The following PTN variants were observed in gnomAD, a reference collection of about 807,000 sequenced individuals.
The protein encoded by PTN is heparin affin regulatory protein.
A neutral mutation model predicts 24.1 loss-of-function variants in PTN; 18 were observed. The ratio of observed to expected loss-of-function variants is 0.75; its 90% CI spans 0.52 to 1.11. The LOEUF (loss-of-function observed/expected upper bound fraction) is 1.11, where lower values mean the gene tolerates loss of function less well. Ranked by LOEUF, PTN falls within the 50% of genes least tolerant of loss-of-function variation. The pLI is 0.00. For missense variants in PTN, 163 were observed against 198.8 expected (o/e 0.82, Z 1.08); for synonymous variants, 78 against 68.6 (o/e 1.14, Z -0.67).
At chr7:137,302,870 C>G (rs756552954) in intron 1 of PTN, among the ~76,000 whole-genome samples, 1 of 151,994 alleles carries the variant, frequency 6.6e-6, no homozygotes, top group Non-Finnish European at 1.5e-5. Flanking sequence ...CAGTTCAGCT[C>G]TGCTTTCCCT....
At chr7:137,304,276 C>T (rs748060013) in intron 1 of PTN, among the ~76,000 whole-genome samples, 1 of 151,856 alleles carries the variant, frequency 6.6e-6, no homozygotes, top group African/African-American at 2.4e-5. Context: ...ATGTTATCCA[C>T]AGTGGAAATC....
intron 1 of PTN, among the ~76,000 whole-genome samples, chr7:137,290,819 A>T (rs894989015): frequency 1.3e-5 from 2 of 152,100 alleles, no homozygotes; most frequent in African/African-American, 4.8e-5. Context: ...ACATGGGGTT[A>T]TGTTCCCCTT....
At chr7:137,245,090 A>C in intron 4 of PTN, among the ~76,000 whole-genome samples, 1 of 152,184 alleles carries the variant, frequency 6.6e-6, no homozygotes, top group South Asian at 2.1e-4. Context: ...TGATTTTCAC[A>C]CTGAAACCAA....
At position 137,269,419 on chromosome 7, in the gene PTN, G is replaced by T. The variant is rs530301368; in HGVS notation, c.-1-14445C>A. Among the ~76,000 whole-genome samples the T allele has an allele frequency of 2.0e-5, 3 of 152,092 alleles. No individual in the cohort carries two copies. In the East Asian group the frequency reaches 5.8e-4, roughly 29 times the overall value. Reference sequence around the variant, plus strand: ...AGTGCACTTGTGTGGGCTGTTTTGGGTTCTCCCCCTGTCAGATCTGTCTCA... The same window carrying T: ...AGTGCACTTGTGTGGGCTGTTTTGGTTTCTCCCCCTGTCAGATCTGTCTCA... On this transcript the variant is annotated intron_variant, in intron 1 of 4. Coordinates refer to ENST00000348225, the MANE Select transcript of PTN (RefSeq NM_002825.7).
chr7:137,334,937 G>A (rs971666220), intron 1 of PTN, among the ~76,000 whole-genome samples: 28 of 150,300 alleles, frequency 1.9e-4, no homozygotes, highest in South Asian at 4.2e-4. Context: ...GTAAACTATC[G>A]CAAGGACAAA....
At chr7:137,283,799 C>G (rs552662072) in intron 1 of PTN, among the ~76,000 whole-genome samples, 2 of 152,178 alleles carry the variant, frequency 1.3e-5, no homozygotes, top group South Asian at 2.1e-4. Context: ...ACTGTATCCT[C>G]TAAAAGCCCA....
intron 1 of PTN, among the ~76,000 whole-genome samples, chr7:137,306,223 C>T (rs1809885577): frequency 6.6e-6 from 1 of 152,032 alleles, no homozygotes; most frequent in African/African-American, 2.4e-5. Context: ...GAGAGCAATA[C>T]CAAGGGGACT....
chr7:137,253,551 C>T lies in PTN; in HGVS notation c.202G>A (p.Glu68Lys). The change falls in exon 3 of 5, where the codon GAG becomes AAG. Residue 68 changes from glutamate (E) to lysine (K), a missense_variant. Glu to Lys is a moderately conservative substitution (Grantham distance 56). Coordinates refer to ENST00000348225, the MANE Select transcript of PTN (RefSeq NM_002825.7). ...CACTCAGCTCCAGTCCGAGTGCCCT[C>T]CCGTGTGCCCAGCCCACAGTCTCCA... ...TSGDCGLGTREGTRTGAECKQ... is the reference protein window; with the variant it reads ...TSGDCGLGTRKGTRTGAECKQ... 1 of 1,612,544 alleles carries T rather than the reference C, an allele frequency of 6.2e-7. No individual in the cohort carries two copies. Among genetic ancestry groups the T allele is most frequent in the Non-Finnish European group, 8.5e-7 (1 of 1,179,288 alleles).
rs186614850 is a variant in PTN, at chr7:137,294,331, A to G, written c.-1-39357T>C. Among the ~76,000 whole-genome samples the G allele has an allele frequency of 3.9e-3, 596 of 152,266 alleles. 3 individuals carry two copies. Among genetic ancestry groups the G allele is most frequent in the Admixed American group, 6.7e-3 (103 of 15,278 alleles). The stretch of plus-strand genomic sequence containing the variant: ...AATTTCAGAAGGCACCTCTTCCTCC[A>G]GGTGAACACAAGCCCACACAGGAGT... On this transcript the variant is annotated intron_variant, in intron 1 of 4. Transcript: ENST00000348225.
chr7:137,232,692 G>C (rs1354614171), intron 4 of PTN, among the ~76,000 whole-genome samples: 1 of 151,940 alleles, frequency 6.6e-6, no homozygotes, highest in Non-Finnish European at 1.5e-5. Context: ...GCAGTGATAT[G>C]GTTTGACTCT....
At chr7:137,283,376 A>G (rs1165543918) in intron 1 of PTN, among the ~76,000 whole-genome samples, 3 of 152,182 alleles carry the variant, frequency 2.0e-5, no homozygotes, top group Non-Finnish European at 4.4e-5. Context: ...TTCAGTTCAT[A>G]CAACTCCAGC....
chr7:137,339,554 G>A (rs146445444), intron 1 of PTN, among the ~76,000 whole-genome samples: 4 of 112,428 alleles, frequency 3.6e-5, no homozygotes, highest in African/African-American at 1.2e-4. Flanking sequence ...TGACCCTTAG[G>A]CAGGGTCTTG....
intron 1 of PTN, chr7:137,324,879 A>G (rs1359341598): frequency 6.6e-6 from 1 of 152,218 alleles, no homozygotes; most frequent in Non-Finnish European, 1.5e-5. Flanking sequence ...TGTGAATAGT[A>G]AAATATTACA....
At chr7:137,324,417 T>TAAAAA (rs1366943397) in intron 1 of PTN, among the ~76,000 whole-genome samples, 7 of 63,474 alleles carry the variant, frequency 1.1e-4, no homozygotes, top group African/African-American at 6.0e-4. Context: ...ACCCTGTCTC[T>TAAAAA]AAAAAAAAAA....
At chr7:137,240,604 CAT>C (rs1808611735) in intron 4 of PTN, among the ~76,000 whole-genome samples, 1 of 152,200 alleles carries the variant, frequency 6.6e-6, no homozygotes, top group Non-Finnish European at 1.5e-5. Context: ...GAAATGGACA[CAT>C]AAGAAATCAT....
chr7:137,253,464 C>T lies in PTN; in HGVS notation c.289G>A (p.Ala97Thr), dbSNP rs146886425. The change falls in exon 3 of 5, where the codon GCG (alanine) becomes ACG (threonine). Residue 97 changes from alanine (A) to threonine (T), a missense_variant and splice_region_variant. Ala to Thr is a moderately conservative substitution (Grantham distance 58). Coordinates refer to ENST00000348225, the MANE Select transcript of PTN (RefSeq NM_002825.7). ...ATTAACTCAGTAGCATGAGGCTTACCGCCAAATTGCTTCTTCCAGTTGCAG... is the reference window on the plus strand; with the variant it reads ...ATTAACTCAGTAGCATGAGGCTTACTGCCAAATTGCTTCTTCCAGTTGCAG... ...IPCNWKKQFG[A>T]ECKYQFQAWG... The T allele has an allele frequency of 1.4e-5, 22 of 1,602,970 alleles. No homozygotes were observed. Among genetic ancestry groups the T allele is most frequent in the African/African-American group, 9.4e-5 (7 of 74,738 alleles).
chr7:137,334,767 A>G (rs901071181), intron 1 of PTN, among the ~76,000 whole-genome samples: 6 of 151,812 alleles, frequency 4.0e-5, no homozygotes, highest in Non-Finnish European at 8.8e-5. Flanking sequence ...GGCACTATTC[A>G]CAATAGCAAA....
intron 1 of PTN, among the ~76,000 whole-genome samples, chr7:137,312,635 C>T (rs73452985): frequency 6.6e-6 from 1 of 151,946 alleles, no homozygotes. Flanking sequence ...AAATGTGAAG[C>T]TATTAACCAC....
Position 137,330,540 on chromosome 7 carries a change from T to C in PTN, c.-2+12899A>G, listed in dbSNP as rs115017236. On this transcript the variant is annotated intron_variant, in intron 1 of 4. Coordinates refer to ENST00000348225, the MANE Select transcript of PTN (RefSeq NM_002825.7). ...GCTCCAGCCCACAAAAAGCACACTT[T>C]AGTCTCCTGCTTTTATGATCCACCA... Among the ~76,000 whole-genome samples the C allele has an allele frequency of 3.1e-3, 473 of 152,294 alleles. 6 individuals are homozygous for C. Among genetic ancestry groups the C allele is most frequent in the Middle Eastern group, 0.017 (5 of 294 alleles).
Sources: gnomAD v4.1 joint callset for allele counts (sites outside exome capture counted in the v4.1 genomes callset) on GRCh38, gnomAD v4.1.1 for gene constraint, MANE v1.5 for transcripts, NCBI Gene and HGNC (gene_info 2026-07-23, HGNC 2026-07-21) for gene names.